MICAL2: variants seen among roughly 807,000 people sequenced by gnomAD.
MICAL2 encodes the protein microtubule associated monooxygenase, calponin and LIM domain containing 2, also known as [F-actin]-monooxygenase MICAL2.
Under a neutral mutation model 127.3 loss-of-function variants are expected in MICAL2, and 77 were observed. That is an observed-to-expected ratio of 0.60 (90% CI 0.50 to 0.73). The LOEUF (loss-of-function observed/expected upper bound fraction) is 0.73, where lower values mean the gene tolerates loss of function less well. MICAL2 is among the 30% of genes least tolerant of loss of function. The pLI is 0.00. For synonymous variants in MICAL2, 570 were observed against 551.1 expected, an observed-to-expected ratio of 1.03 and a Z score of -0.48; for missense variants, 1,351 against 1,434.4, an observed-to-expected ratio of 0.94 and a Z score of 0.94.
intron 4 of MICAL2, 89 bp from the exon 5 acceptor site, chr11:12,207,934 C>A: frequency 5.1e-6 from 5 of 982,196 alleles, no homozygotes; most frequent in South Asian, 2.7e-5. Flanking sequence ...GCTCAAAGGT[C>A]ACTGAGCGGC....
In MICAL2 at chr11:12,179,574, G is replaced by A. The variant is rs1264545502; in HGVS notation, c.264+17155G>A. Among the ~76,000 whole-genome samples, 4 of 152,042 alleles carry A rather than the reference G, an allele frequency of 2.6e-5. No homozygotes were observed. The East Asian group carries it at 7.7e-4, about 29-fold the overall frequency. ...TTAGCCAATGCCTGCCTGTCCTCCC[G>A]ATCCACCTGCCTCCCAAGGGCTTCC... On this transcript the variant is annotated intron_variant, in intron 3 of 27. Transcript: ENST00000683283.
At position 12,226,350 on chromosome 11, in the gene MICAL2, G is replaced by A. The variant is rs762245573; in HGVS notation, c.1868G>A (p.Gly623Asp). 2 of 1,614,038 alleles carry A rather than the reference G, an allele frequency of 1.2e-6. No homozygotes were observed. Among genetic ancestry groups the A allele is most frequent in the East Asian group, 2.2e-5 (1 of 44,876 alleles). The change falls in exon 14 of 28, where the codon GGC becomes GAC. Residue 623 changes from glycine to aspartate, a missense_variant. By Grantham distance (94) the Gly-to-Asp change is moderately conservative (BLOSUM62 -1). Coordinates refer to ENST00000683283, the MANE Select transcript of MICAL2 (RefSeq NM_001282663.2). Reference protein sequence around the residue: ...YLSKFYELFRGTPLRPVDSWR... With the variant: ...YLSKFYELFRDTPLRPVDSWR... ...TCCAAGTTCTACGAGCTCTTCCGGGGCACCCCACTGAGGCCCGTGGGTAAG... is the reference window on the plus strand; with the variant it reads ...TCCAAGTTCTACGAGCTCTTCCGGGACACCCCACTGAGGCCCGTGGGTAAG...
intron 30 of MICAL2, among the ~76,000 whole-genome samples, chr11:12,322,535 G>T (rs1276932550): frequency 6.6e-6 from 1 of 152,120 alleles, no homozygotes; most frequent in Non-Finnish European, 1.5e-5. Flanking sequence ...TAGCCTGTAG[G>T]CACCAAGCTA....
At chr11:12,160,999 G>A (rs1188457645) in intron 2 of MICAL2, among the ~76,000 whole-genome samples, 3 of 152,162 alleles carry the variant, frequency 2.0e-5, no homozygotes, top group Non-Finnish European at 4.4e-5. Context: ...TGAGGCCTGC[G>A]CTCTGTGTGC....
chr11:12,154,137 G>A (rs756539211), intron 2 of MICAL2, among the ~76,000 whole-genome samples: 3 of 152,190 alleles, frequency 2.0e-5, no homozygotes, highest in African/African-American at 2.4e-5. Context: ...GTAGTCCCTC[G>A]GGAGTGGAGC....
At chr11:12,293,454 A>G, downstream of MICAL2, 2 of 1,367,922 alleles carry the variant, frequency 1.5e-6, no homozygotes, top group Non-Finnish European at 2.0e-6. Flanking sequence ...GGCATCTGAG[A>G]TGGGAAGAAA....
chr11:12,167,877 C>A (rs1206683129), intron 3 of MICAL2, among the ~76,000 whole-genome samples: 1 of 152,134 alleles, frequency 6.6e-6, no homozygotes, highest in African/African-American at 2.4e-5. Flanking sequence ...TGAGTAAATC[C>A]AATTCACAGC....
intron 32 of MICAL2, among the ~76,000 whole-genome samples, chr11:12,328,209 G>A (rs1994903): frequency 0.013 from 1,914 of 152,294 alleles, 36 homozygotes; most frequent in African/African-American, 0.043. Context: ...GTAACAATGA[G>A]TATGATGCAG....
In MICAL2 at chr11:12,238,581, A is replaced by G. The variant is rs568476583; in HGVS notation, c.2065-855A>G. Among the ~76,000 whole-genome samples the G allele has an allele frequency of 4.6e-5, 7 of 152,354 alleles. No individual in the cohort carries two copies. The East Asian group carries it at 1.2e-3, about 25-fold the overall frequency. The stretch of plus-strand genomic sequence containing the variant: ...TGCTCAGTACCCTACAAAAAGTGTC[A>G]TTCTGTAACAGAAACTGTTACAGTT... On this transcript the variant is annotated intron_variant, in intron 16 of 27. Transcript: ENST00000683283.
intron 9 of MICAL2, 72 bp downstream of exon 9, chr11:12,220,530 A>T: frequency 6.4e-7 from 1 of 1,556,300 alleles, no homozygotes; most frequent in Non-Finnish European, 8.6e-7. Context: ...GGCAGGCAGT[A>T]TCTGCTGTTG....
intron 10 of MICAL2, among the ~76,000 whole-genome samples, 190 bp from the exon 11 acceptor site, chr11:12,222,427 C>G (rs1390579036): frequency 6.6e-6 from 1 of 152,216 alleles, no homozygotes; most frequent in African/African-American, 2.4e-5. Context: ...CCCCTTTCCT[C>G]TCGGCCCCTT....
chr11:12,339,423 ATCT>A (rs1938822579), intron 32 of MICAL2, among the ~76,000 whole-genome samples: 1 of 151,744 alleles, frequency 6.6e-6, no homozygotes, highest in South Asian at 2.1e-4. Flanking sequence ...TAGTAGTTTG[ATCT>A]TCTGAAGCCT....
chr11:12,165,969 G>A (rs1428495328), intron 3 of MICAL2, among the ~76,000 whole-genome samples: 4 of 152,200 alleles, frequency 2.6e-5, no homozygotes, highest in Admixed American at 2.6e-4. Context: ...GGATAAGAAT[G>A]AGGGTGAACT....
At chr11:12,360,440 A>G (rs1265136922), downstream of MICAL2, among the ~76,000 whole-genome samples, 1 of 152,194 alleles carries the variant, frequency 6.6e-6, no homozygotes, top group East Asian at 1.9e-4. Flanking sequence ...AGGTAAGATT[A>G]TGGATGCACA....
upstream of MICAL2, among the ~76,000 whole-genome samples, chr11:12,271,890 G>A (rs866333803): frequency 2.6e-5 from 4 of 152,132 alleles, no homozygotes; most frequent in Admixed American, 2.6e-4. Flanking sequence ...TGGGCACATT[G>A]GCAAAAGGGG....
intron 5 of MICAL2, 85 bp downstream of exon 5, chr11:12,208,224 T>C (rs1027492334): frequency 2.1e-5 from 23 of 1,096,890 alleles, no homozygotes; most frequent in African/African-American, 4.7e-5. Flanking sequence ...GGTGTTTCTG[T>C]AGGAGTTATT....
chr11:12,120,994 C>T (rs1850463055), intron 1 of MICAL2, among the ~76,000 whole-genome samples: 2 of 152,222 alleles, frequency 1.3e-5, no homozygotes, highest in Non-Finnish European at 2.9e-5. Context: ...TGTCTGTATC[C>T]TGGCTTTTGA....
intron 32 of MICAL2, among the ~76,000 whole-genome samples, chr11:12,336,933 A>G (rs1487605190): frequency 2.6e-5 from 4 of 152,028 alleles, no homozygotes; most frequent in Non-Finnish European, 4.4e-5. Context: ...TTGTGTCTCT[A>G]CCAGGCTTTG....
intron 4 of MICAL2, among the ~76,000 whole-genome samples, chr11:12,205,896 C>T (rs1854617394): frequency 6.6e-6 from 1 of 152,100 alleles, no homozygotes; most frequent in African/African-American, 2.4e-5. Context: ...GAGGAGGGCC[C>T]TGAGAGCCAT....
Sources: allele counts gnomAD v4.1 joint callset (sites outside exome capture counted in the v4.1 genomes callset), GRCh38; gene constraint gnomAD v4.1.1; transcripts MANE v1.5; gene names NCBI Gene and HGNC (gene_info 2026-07-23, HGNC 2026-07-21).